Variants in RAB3GAP2 observed in about 807,000 individuals in gnomAD.
The protein encoded by RAB3GAP2 is rab3 GTPase-activating protein non-catalytic subunit.
In RAB3GAP2, 87 loss-of-function variants were observed where a neutral mutation model predicts 185.3. The observed-to-expected ratio is 0.47, with a 90% CI of 0.39 to 0.56. The LOEUF (loss-of-function observed/expected upper bound fraction) is 0.56. RAB3GAP2 is among the 20% of genes least tolerant of loss of function. The pLI is 0.00. For missense variants in RAB3GAP2, 1,492 were observed against 1,638.2 expected (o/e 0.91, Z 1.54); for synonymous variants, 554 against 576.1 (o/e 0.96, Z 0.55).
Position 220,154,186 on chromosome 1 carries a change from G to A in RAB3GAP2, c.3556-129C>T. On this transcript the variant is annotated intron_variant, in intron 31 of 34. Transcript: ENST00000358951. ...TTTCTCCTTGAACAGTAAGATTTTA[G>A]AATAATTTTTATAACAATTATCTAG... is the stretch of plus-strand genomic sequence containing the variant. The A allele has an allele frequency of 6.7e-6, 9 of 1,340,086 alleles. No homozygotes were observed. The South Asian group carries it at 1.3e-4, about 19-fold the overall frequency. 83.0% of individuals were successfully genotyped at this position (1,340,086 alleles called of 1,614,324 possible). A position where few individuals can be genotyped will look rare whatever the true frequency, so the allele number is the denominator to read the frequency against.
At chr1:220,216,475 G>A (rs1659203591) in intron 2 of RAB3GAP2, among the ~76,000 whole-genome samples, 1 of 152,190 alleles carries the variant, frequency 6.6e-6, no homozygotes, top group African/African-American at 2.4e-5. Flanking sequence ...ATGGCTTGCT[G>A]TAAGCTGAGG....
rs1658596046 is a variant in RAB3GAP2, at chr1:220,190,504, A to G, written c.1504T>C (p.Tyr502His). The G allele has an allele frequency of 1.2e-6, 2 of 1,602,534 alleles. No individual in the cohort carries two copies. Among genetic ancestry groups the G allele is most frequent in the East Asian group, 4.5e-5 (2 of 44,814 alleles). The change falls in exon 15 of 35, where the codon TAT becomes CAT. Residue 502 changes from tyrosine (Y) to histidine (H), a missense_variant. By Grantham distance (83) the Tyr-to-His change is moderately conservative (BLOSUM62 2). Around this residue, in one of 5 missense-constraint regions of RAB3GAP2, gnomAD observed 681 missense variants for 689.1 expected, o/e 0.99. Transcript: ENST00000358951. ...GKHCRLLYPG[Y>H]KIMGLNNVTS... Reference sequence around the variant, plus strand: ...ACATTATTTAAACCCATTATTTTATAGCCAGGATACAGCAGCCTAAAGAAA... The same window carrying G: ...ACATTATTTAAACCCATTATTTTATGGCCAGGATACAGCAGCCTAAAGAAA...
chr1:220,195,380 G>GA lies in RAB3GAP2; in HGVS notation c.961-4dup. The GA allele has an allele frequency of 1.2e-6, 2 of 1,608,090 alleles. No homozygotes were observed. Among genetic ancestry groups the GA allele is most frequent in the Non-Finnish European group, 1.7e-6 (2 of 1,174,866 alleles). On this transcript the variant is annotated splice_region_variant and splice_polypyrimidine_tract_variant and intron_variant, in intron 10 of 34. Coordinates refer to ENST00000358951, the MANE Select transcript of RAB3GAP2 (RefSeq NM_012414.4). Reference sequence around the variant, plus strand: ...GATAATAATGGTTGTGTGCTTCCCTGAAAAACAGAACATTTGAAAGAGAAA... The same window carrying GA: ...GATAATAATGGTTGTGTGCTTCCCTGAAAAAACAGAACATTTGAAAGAGAAA...
intron 2 of RAB3GAP2, among the ~76,000 whole-genome samples, chr1:220,229,989 G>A (rs1659470677): frequency 6.6e-6 from 1 of 152,128 alleles, no homozygotes; most frequent in Non-Finnish European, 1.5e-5. Context: ...CTCTTTCTGG[G>A]AAATTCTCCA....
intron 1 of RAB3GAP2, among the ~76,000 whole-genome samples, chr1:220,233,177 CG>C (rs1439696050): frequency 2.0e-5 from 3 of 152,012 alleles, no homozygotes; most frequent in Admixed American, 2.0e-4. Context: ...GCAAAGGTGA[CG>C]TTTTAAAAAT....
chr1:220,188,792 T>C (rs539634519), intron 17 of RAB3GAP2, among the ~76,000 whole-genome samples: 5 of 152,292 alleles, frequency 3.3e-5, no homozygotes, highest in African/African-American at 1.2e-4. Flanking sequence ...ACCTAACCGT[T>C]CACTGACAGG....
intron 21 of RAB3GAP2, among the ~76,000 whole-genome samples, chr1:220,180,035 G>A (rs189902210): frequency 6.6e-6 from 1 of 152,204 alleles, no homozygotes; most frequent in African/African-American, 2.4e-5. Flanking sequence ...GGTGGCGCAT[G>A]CCTGTAGTCC....
chr1:220,181,061 A>C (rs942579312), intron 21 of RAB3GAP2, among the ~76,000 whole-genome samples: 1 of 152,258 alleles, frequency 6.6e-6, no homozygotes, highest in African/African-American at 2.4e-5. Context: ...AAGTATTATA[A>C]GTAACCTAGA....
At chr1:220,175,604 C>T (rs928406409) in intron 21 of RAB3GAP2, among the ~76,000 whole-genome samples, 4 of 152,162 alleles carry the variant, frequency 2.6e-5, no homozygotes, top group African/African-American at 9.7e-5. Context: ...TTTCAAAATG[C>T]TCATCAAAAT....
chr1:220,265,580 G>A (rs1436502145), intron 1 of RAB3GAP2, among the ~76,000 whole-genome samples: 2 of 151,940 alleles, frequency 1.3e-5, no homozygotes, highest in Non-Finnish European at 2.9e-5. Context: ...GTCACTATAG[G>A]TTAAATGGGG....
rs142216249 is a variant in RAB3GAP2, at chr1:220,185,723, C to A, written c.1798G>T (p.Ala600Ser). 2 of 1,611,746 alleles carry A rather than the reference C, an allele frequency of 1.2e-6. No homozygotes were observed. Among genetic ancestry groups the A allele is most frequent in the Non-Finnish European group, 1.7e-6 (2 of 1,178,276 alleles). The part of the protein sequence containing the change: ...TKKQALESIL[A>S]SERLPFSCLR... ...CAAGAAAATGGTAAACGTTCACTTG[C>A]CAAAATGCTTTCCAAAGCCTAGGAG... The change falls in exon 18 of 35, where the codon GCA becomes TCA. Residue 600 changes from alanine (A) to serine (S), a missense_variant. Physicochemically the swap from Ala to Ser is moderately conservative, Grantham distance 99. Around this residue, in one of 5 missense-constraint regions of RAB3GAP2, gnomAD observed 681 missense variants for 689.1 expected, o/e 0.99. Transcript: ENST00000358951.
chr1:220,265,825 T>C (rs148097833), intron 1 of RAB3GAP2, among the ~76,000 whole-genome samples: 3 of 152,076 alleles, frequency 2.0e-5, no homozygotes, highest in Non-Finnish European at 2.9e-5. Flanking sequence ...CACAGGAGAC[T>C]GAGGTGGGAG....
chr1:220,160,925 T>C lies in RAB3GAP2; in HGVS notation c.3225+1273A>G, dbSNP rs962531046. ...TAGCATAGTCTTGGCACATGAGAGA[T>C]AACACATTATAATAAAGACTTATCC... is the stretch of plus-strand genomic sequence containing the variant. On this transcript the variant is annotated intron_variant, in intron 28 of 34. Coordinates refer to ENST00000358951, the MANE Select transcript of RAB3GAP2 (RefSeq NM_012414.4). Among the ~76,000 whole-genome samples, 40 of 152,230 alleles carry C rather than the reference T, an allele frequency of 2.6e-4. 1 individual carries two copies.
intron 28 of RAB3GAP2, among the ~76,000 whole-genome samples, chr1:220,160,592 T>A (rs971260800): frequency 6.6e-6 from 1 of 152,226 alleles, no homozygotes; most frequent in Admixed American, 6.5e-5. Context: ...AATGTCTTCA[T>A]CTTAGCTTTT....
chr1:220,194,098 A>G (rs144984873), intron 12 of RAB3GAP2, among the ~76,000 whole-genome samples: 1 of 152,174 alleles, frequency 6.6e-6, no homozygotes, highest in Admixed American at 6.5e-5. Flanking sequence ...AAATTTTAAT[A>G]ATTAGTTGGC....
intron 2 of RAB3GAP2, among the ~76,000 whole-genome samples, chr1:220,229,482 T>C (rs1362246527): frequency 6.6e-6 from 1 of 152,174 alleles, no homozygotes; most frequent in African/African-American, 2.4e-5. Flanking sequence ...TATAATGCCA[T>C]AAAGCGGCAC....
intron 1 of RAB3GAP2, among the ~76,000 whole-genome samples, chr1:220,238,749 T>C (rs933380586): frequency 3.3e-5 from 5 of 152,250 alleles, no homozygotes; most frequent in Non-Finnish European, 7.3e-5. Flanking sequence ...TGAAGTTTTC[T>C]TGCATCCACC....
intron 31 of RAB3GAP2, chr1:220,154,362 C>T (rs547023782): frequency 1.4e-5 from 4 of 293,846 alleles, no homozygotes; most frequent in East Asian, 8.3e-5. Context: ...TCCAAGACCA[C>T]GTTCCAAAAG....
In RAB3GAP2 at chr1:220,210,821, A is replaced by G; in HGVS notation, c.490T>C (p.Tyr164His). ...CTCACCTCAGTGTAGAAGCGTACAT[A>G]ACCTGAAGTAAAACCCACCACAATG... ...TCIVVGFTSG[Y>H]VRFYTENGVL... Residue 164 changes from tyrosine to histidine, a missense_variant, in exon 6 of 35, where the codon TAT becomes CAT. Around this residue, in one of 5 missense-constraint regions of RAB3GAP2, gnomAD observed 243 missense variants for 314.8 expected, o/e 0.77. Transcript: ENST00000358951. 6.2e-7 allele frequency: 1 copy of G among 1,613,628 alleles called. No individual in the cohort carries two copies. Among genetic ancestry groups the G allele is most frequent in the Admixed American group, 1.7e-5 (1 of 60,018 alleles).
Sources: gnomAD v4.1 joint callset for allele counts (sites outside exome capture counted in the v4.1 genomes callset) on GRCh38, gnomAD v4.1.1 for gene constraint, gnomAD v4.1.1 regional missense constraint, MANE v1.5 for transcripts, NCBI Gene and HGNC (gene_info 2026-07-23, HGNC 2026-07-21) for gene names.